SH3TC1: variants seen among roughly 807,000 people sequenced by gnomAD.
The protein encoded by SH3TC1 is SH3 domain and tetratricopeptide repeats 1.
SH3TC1 carries 135 observed loss-of-function variants against 117.3 expected under a neutral mutation model. The ratio of observed to expected loss-of-function variants is 1.15; its 90% CI spans 1.00 to 1.33. The LOEUF is 1.33. SH3TC1 is among the 40% of genes most tolerant of loss of function. The probability of loss-of-function intolerance (pLI) is 0.00; values close to 1 mark genes in which losing one functional copy is unlikely to be tolerated. For missense variants in SH3TC1, 2,092 were observed against 1,794.3 expected, an observed-to-expected ratio of 1.17 and a Z score of -3.00; for synonymous variants, 898 against 816.9, an observed-to-expected ratio of 1.10 and a Z score of -1.69.
chr4:8,228,258 T>C lies in SH3TC1; in HGVS notation c.2564T>C (p.Val855Ala), dbSNP rs141402650. The C allele has an allele frequency of 6.2e-6, 10 of 1,612,072 alleles. No homozygotes were observed. The highest frequency in any genetic ancestry group is 1.7e-5 in the Admixed American group (1 of 59,960). Residue 855 changes from valine to alanine, a missense_variant, in exon 12 of 18, where the codon GTG becomes GCG. Coordinates refer to ENST00000245105, the MANE Select transcript of SH3TC1 (RefSeq NM_018986.5). ...ATCCTGCAGTCTGTCCGGGATGCAG[T>C]GGTGGCCAGCGAGGACCAGGAGGGC... ...LDILQSVRDA[V>A]VASEDQEGVI...
rs939344591 is a variant in SH3TC1 at position 8,192,304 on chromosome 4, C to G, written c.-57+10094C>G. 1.3e-5 allele frequency among the ~76,000 whole-genome samples: 2 copies of G among 150,334 alleles called. No homozygotes were observed. On this transcript the variant is annotated intron_variant, in intron 1 of 16. Coordinates refer to the SH3TC1 transcript ENST00000508641. This position sits in a 1 kb window ranked among gnomAD's most constrained non-coding sequence, Gnocchi z 4.1. The stretch of plus-strand genomic sequence containing the variant: ...AGCCACTGCGCCCGGCCCTCAGTCA[C>G]CTTTAAAATGAAAGGGCCACGGAAT...
intron 2 of SH3TC1, among the ~76,000 whole-genome samples, chr4:8,207,515 A>G (rs1388513255): frequency 2.0e-5 from 3 of 152,198 alleles, no homozygotes; most frequent in African/African-American, 7.2e-5. Context: ...AATCCTTGCG[A>G]CAGAGGCTGC....
rs150852829 is a variant in SH3TC1, at chr4:8,189,481, T to C, written c.-57+7271T>C. Reference sequence around the variant, plus strand: ...GAGGAGAAGGGGTGCCAGGAAGGAGTGGTGTGCAGAAGCCAGGGCAGGCAT... The same window carrying C: ...GAGGAGAAGGGGTGCCAGGAAGGAGCGGTGTGCAGAAGCCAGGGCAGGCAT... On this transcript the variant is annotated intron_variant, in intron 1 of 16. Coordinates refer to the SH3TC1 transcript ENST00000508641. Among the ~76,000 whole-genome samples, 650 of 149,382 alleles carry C rather than the reference T, an allele frequency of 4.4e-3. 7 individuals are homozygous for C. The highest frequency in any genetic ancestry group is 0.015 in the African/African-American group (612 of 40,414).
At position 8,236,263 on chromosome 4, in the gene SH3TC1, CT is replaced by C; in HGVS notation, c.3406-14del. 6.5e-7 allele frequency: 1 copy of C among 1,539,938 alleles called. No individual in the cohort carries two copies. The highest frequency in any genetic ancestry group is 8.8e-7 in the Non-Finnish European group (1 of 1,141,416). On this transcript the variant is annotated splice_polypyrimidine_tract_variant and intron_variant, in intron 15 of 17. Transcript: ENST00000245105. ...GGTGCTGCGGGAAGCCTGACCCCAC[CT>C]GCCTGTGTGGCAGGACCGGGCCCTG...
intron 4 of SH3TC1, 191 bp downstream of exon 4, chr4:8,213,019 G>A: frequency 1.4e-6 from 1 of 704,456 alleles, no homozygotes; most frequent in Non-Finnish European, 2.3e-6. Flanking sequence ...TCTCCCACTT[G>A]CTTTGTGGAG....
intron 12 of SH3TC1, among the ~76,000 whole-genome samples, chr4:8,229,473 TGGGGGTGAGCA>T (rs1419087965): frequency 4.0e-5 from 1 of 25,008 alleles, no homozygotes; most frequent in Non-Finnish European, 7.2e-5. Context: ...GGGGGTGTGA[TGGGGGTGAGCA>T]GGGGGTGAGT....
At chr4:8,200,593 C>T (rs1008032682) in intron 1 of SH3TC1, among the ~76,000 whole-genome samples, 6 of 152,260 alleles carry the variant, frequency 3.9e-5, no homozygotes, top group Non-Finnish European at 7.3e-5. Flanking sequence ...TCCAGCAACA[C>T]GGGTGACGAT....
intron 1 of SH3TC1, among the ~76,000 whole-genome samples, chr4:8,185,885 C>G (rs1045909527): frequency 1.3e-5 from 2 of 152,280 alleles, no homozygotes; most frequent in East Asian, 1.9e-4. Context: ...GTCATTTGCC[C>G]TCAGATGGGC....
At chr4:8,239,077 T>C (rs1235006615) in intron 17 of SH3TC1, among the ~76,000 whole-genome samples, 1 of 151,898 alleles carries the variant, frequency 6.6e-6, no homozygotes, top group African/African-American at 2.4e-5. Flanking sequence ...GAGGCAGGGG[T>C]AAATGGGCAT....
At chr4:8,234,396 GTACA>G (rs1224781347) in intron 14 of SH3TC1, among the ~76,000 whole-genome samples, 1 of 149,774 alleles carries the variant, frequency 6.7e-6, no homozygotes, top group Non-Finnish European at 1.5e-5. Flanking sequence ...CCATCCATAT[GTACA>G]TACATACATC....
Position 8,228,300 on chromosome 4 carries a change from T to C in SH3TC1, c.2606T>C (p.Val869Ala), listed in dbSNP as rs371864518. The change falls in exon 12 of 18, where the codon GTG becomes GCG. Residue 869 changes from valine to alanine, a missense_variant. By Grantham distance (64) the Val-to-Ala change is moderately conservative. Transcript: ENST00000245105. ...EDQEGVIANM[V>A]AVALKRTGRT... The stretch of plus-strand genomic sequence containing the variant: ...CAGGAGGGCGTGATTGCCAACATGG[T>C]GGCCGTGGCTCTGAAGAGGACGGGC... The C allele has an allele frequency of 6.2e-7, 1 of 1,612,334 alleles. No homozygotes were observed. Among genetic ancestry groups the C allele is most frequent in the Non-Finnish European group, 8.5e-7 (1 of 1,179,916 alleles).
intron 10 of SH3TC1, among the ~76,000 whole-genome samples, chr4:8,224,796 A>G (rs1362691838): frequency 6.6e-6 from 1 of 152,140 alleles, no homozygotes. Flanking sequence ...GAGCTGATGG[A>G]AGCCGAGAGC....
rs1718228253 is a variant in SH3TC1, at chr4:8,206,580, C to T, written c.172+1214C>T. Among the ~76,000 whole-genome samples the T allele has an allele frequency of 6.6e-6, 1 of 152,000 alleles. No individual in the cohort carries two copies. Among genetic ancestry groups the T allele is most frequent in the South Asian group, 2.1e-4 (1 of 4,822 alleles). ...CTCCTCCGGAGGCTCAGCAAAGCAC[C>T]GTGGCATCGCCTCTCCCTGGAGTGA... On this transcript the variant is annotated intron_variant, in intron 2 of 17. Coordinates refer to ENST00000245105, the MANE Select transcript of SH3TC1 (RefSeq NM_018986.5). This position sits in a 1 kb window ranked among gnomAD's most constrained non-coding sequence, Gnocchi z 5.5.
upstream of SH3TC1, among the ~76,000 whole-genome samples, chr4:8,196,815 T>G (rs1476844158): frequency 1.3e-5 from 2 of 152,092 alleles, no homozygotes; most frequent in East Asian, 3.9e-4. The surrounding 1 kb of genome is among the most constrained non-coding windows in gnomAD (Gnocchi z 4.6). Context: ...ATGGGGTCCC[T>G]GGACCTTGTA....
At chr4:8,202,025 G>A (rs941572499) in intron 1 of SH3TC1, among the ~76,000 whole-genome samples, 2 of 152,222 alleles carry the variant, frequency 1.3e-5, no homozygotes, top group African/African-American at 4.8e-5. Flanking sequence ...TTAAACCAGG[G>A]AGCTCGCATG....
chr4:8,193,442 G>C (rs904981848), intron 1 of SH3TC1, among the ~76,000 whole-genome samples: 1 of 152,160 alleles, frequency 6.6e-6, no homozygotes, highest in Admixed American at 6.5e-5. Context: ...TGTTTGAGCT[G>C]GCCCTGACCC....
At chr4:8,231,081 C>T (rs1041497843) in intron 12 of SH3TC1, 4 of 152,342 alleles carry the variant, frequency 2.6e-5, no homozygotes, top group African/African-American at 9.6e-5. Flanking sequence ...TGCTCTGGCC[C>T]GTGCTGTGCG....
At chr4:8,208,437 G>A (rs369102826) in intron 2 of SH3TC1, among the ~76,000 whole-genome samples, 84 of 148,446 alleles carry the variant, frequency 5.7e-4, no homozygotes, top group African/African-American at 2.0e-3. Context: ...GTGTGATCTC[G>A]ACTCACTACA....
In SH3TC1 at chr4:8,216,102, C is replaced by A. The variant is rs1712290; in HGVS notation, c.482-9C>A. On this transcript the variant is annotated splice_polypyrimidine_tract_variant and intron_variant, in intron 5 of 17. Transcript: ENST00000245105. ...GGAGCCCTCGGGTGACTGGGCCTGG[C>A]CTCCACAGGCTTCACTCATCACTGC... is the stretch of plus-strand genomic sequence containing the variant. 528,822 of 1,611,582 alleles carry A rather than the reference C, an allele frequency of 0.33. 91,450 individuals carry two copies. Among genetic ancestry groups the A allele is most frequent in the Non-Finnish European group, 0.36 (425,158 of 1,179,288 alleles).
Sources: allele counts gnomAD v4.1 joint callset (sites outside exome capture counted in the v4.1 genomes callset), GRCh38; gene constraint gnomAD v4.1.1; non-coding constraint Gnocchi (gnomAD v3.1); transcripts MANE v1.5; gene names NCBI Gene and HGNC (gene_info 2026-07-23, HGNC 2026-07-21).